Variants in ADCY9 observed in about 807,000 individuals in gnomAD.
The protein encoded by ADCY9 is adenylate cyclase 9.
Under a neutral mutation model 101.5 loss-of-function variants are expected in ADCY9, and 50 were observed. The ratio of observed to expected loss-of-function variants is 0.49; its 90% CI spans 0.39 to 0.62. The LOEUF (loss-of-function observed/expected upper bound fraction) is 0.62, where lower values mean the gene tolerates loss of function less well. Among genes scored for constraint, ADCY9 ranks in the 20% least tolerant of loss-of-function variants. ADCY9 has a pLI of 0.00. For synonymous variants in ADCY9, 905 were observed against 769.3 expected (o/e 1.18, Z -2.92); for missense variants, 1,662 against 1,800.4 (o/e 0.92, Z 1.39).
At chr16:4,030,398 C>A (rs1422389377) in intron 2 of ADCY9, among the ~76,000 whole-genome samples, 1 of 152,058 alleles carries the variant, frequency 6.6e-6, no homozygotes, top group East Asian at 1.9e-4. Flanking sequence ...GTGACAGAGG[C>A]AGCCACAAAA....
intron 2 of ADCY9, among the ~76,000 whole-genome samples, chr16:4,023,461 G>A (rs1242372847): frequency 6.7e-6 from 1 of 149,306 alleles, no homozygotes; most frequent in East Asian, 2.0e-4. Context: ...GTGTAGGTCT[G>A]GGGAAGGCAC....
At chr16:4,016,689 A>G (rs531984420) in intron 2 of ADCY9, among the ~76,000 whole-genome samples, 16 of 152,348 alleles carry the variant, frequency 1.1e-4, no homozygotes, top group African/African-American at 3.4e-4. Context: ...GAAAATGGAA[A>G]TAAAGCTGTA....
At chr16:4,069,842 T>A (rs777861270) in intron 2 of ADCY9, among the ~76,000 whole-genome samples, 12 of 152,170 alleles carry the variant, frequency 7.9e-5, no homozygotes, top group African/African-American at 2.9e-4. Context: ...ACACTTGTAA[T>A]CCCAGCACTT....
chr16:4,052,707 A>G (rs570969695), intron 2 of ADCY9, among the ~76,000 whole-genome samples: 101 of 152,294 alleles, frequency 6.6e-4, no homozygotes, highest in African/African-American at 2.2e-3. Context: ...TGTTGTTTGA[A>G]GCCACCTGGT....
At chr16:4,103,914 G>A (rs1030086359) in intron 2 of ADCY9, among the ~76,000 whole-genome samples, 6 of 152,220 alleles carry the variant, frequency 3.9e-5, no homozygotes, top group African/African-American at 1.4e-4. Context: ...TTGAGTAGGT[G>A]TCTTCTGAAT....
chr16:3,965,187 T>C lies in ADCY9; in HGVS notation c.*588A>G, dbSNP rs1005719848. On this transcript the variant is annotated 3_prime_UTR_variant, in exon 11 of 11. Transcript: ENST00000294016. ...GAAAGTGCGGGTGGGCAATGGGGGG[T>C]GGCGGAGCTGTCGTGACATGCCCCC... 3 of 154,396 alleles carry C rather than the reference T, an allele frequency of 1.9e-5. No individual in the cohort carries two copies. Among genetic ancestry groups the C allele is most frequent in the Non-Finnish European group, 2.9e-5 (2 of 69,428 alleles). The allele number at this position is 154,396 out of a possible 1,614,324, so 9.6% of individuals were successfully genotyped here. A position where few individuals can be genotyped will look rare whatever the true frequency, so the allele number is the denominator to read the frequency against.
At chr16:3,971,481 C>T (rs956283876) in intron 10 of ADCY9, among the ~76,000 whole-genome samples, 1 of 152,124 alleles carries the variant, frequency 6.6e-6, no homozygotes, top group Non-Finnish European at 1.5e-5. Context: ...GGGAAGACAC[C>T]CTGTGCTTCA....
intron 2 of ADCY9, among the ~76,000 whole-genome samples, chr16:4,107,129 G>C (rs993111282): frequency 6.6e-6 from 1 of 152,214 alleles, no homozygotes; most frequent in Non-Finnish European, 1.5e-5. Context: ...GGCAGCTTGA[G>C]TGTCGACTCT....
chr16:4,108,706 C>CA (rs1555447361), intron 2 of ADCY9, among the ~76,000 whole-genome samples: 4 of 124,522 alleles, frequency 3.2e-5, no homozygotes, highest in Admixed American at 8.6e-5. Context: ...GTCCCTCACA[C>CA]TTTTTTTTTT....
chr16:3,973,541 C>G (rs1462106796), intron 10 of ADCY9, among the ~76,000 whole-genome samples: 2 of 151,942 alleles, frequency 1.3e-5, no homozygotes, highest in African/African-American at 4.8e-5. Context: ...CTGTGACAAC[C>G]AGGCTGGGGT....
rs2056257792 is a variant in ADCY9, at chr16:3,992,983, G to A, written c.1989+423C>T. Among the ~76,000 whole-genome samples the A allele has an allele frequency of 6.6e-6, 1 of 152,022 alleles. No individual in the cohort carries two copies. Among genetic ancestry groups the A allele is most frequent in the African/African-American group, 2.4e-5 (1 of 41,396 alleles). On this transcript the variant is annotated intron_variant, in intron 4 of 10. Transcript: ENST00000294016. This position sits in a 1 kb window ranked among gnomAD's most constrained non-coding sequence, Gnocchi z 4.2. ...AGTCCTGGCCCTGGTGTCCAAGTCT[G>A]GTTTTCCTGAAAGCCTTCCTGCCAC...
intron 2 of ADCY9, among the ~76,000 whole-genome samples, chr16:4,109,880 C>A (rs1390543491): frequency 6.6e-6 from 1 of 152,168 alleles, no homozygotes; most frequent in East Asian, 1.9e-4. Flanking sequence ...TGAGTGGTTC[C>A]CTGACACCTA....
intron 2 of ADCY9, among the ~76,000 whole-genome samples, chr16:4,064,784 C>T (rs574697893): frequency 1.9e-4 from 29 of 151,868 alleles, no homozygotes; most frequent in African/African-American, 4.3e-4. Context: ...TGGCCAGCAA[C>T]GTGGTTTTTG....
chr16:3,961,108 T>C (rs2055935271), downstream of ADCY9, among the ~76,000 whole-genome samples: 1 of 152,182 alleles, frequency 6.6e-6, no homozygotes, highest in Admixed American at 6.5e-5. Flanking sequence ...CTTTCTTGGC[T>C]GTTTGAGAAA....
chr16:3,958,667 C>A (rs1439730909), downstream of ADCY9, among the ~76,000 whole-genome samples: 1 of 110,226 alleles, frequency 9.1e-6, no homozygotes, highest in South Asian at 3.2e-4. Flanking sequence ...TCTTTCTCGT[C>A]GGTTACTTTT....
intron 2 of ADCY9, among the ~76,000 whole-genome samples, chr16:4,037,027 ACTTC>A (rs2056594844): frequency 6.6e-6 from 1 of 152,022 alleles, no homozygotes; most frequent in African/African-American, 2.4e-5. Flanking sequence ...TCACTTAATG[ACTTC>A]CAAGCTGGGC....
At chr16:4,066,781 A>C (rs1384291311) in intron 2 of ADCY9, among the ~76,000 whole-genome samples, 1 of 152,228 alleles carries the variant, frequency 6.6e-6, no homozygotes, top group Non-Finnish European at 1.5e-5. Context: ...AGAATAATAA[A>C]CAATTCATAT....
At position 4,115,247 on chromosome 16, in the gene ADCY9, G is replaced by T; in HGVS notation, c.196C>A (p.Arg66=). The stretch of plus-strand genomic sequence containing the variant: ...CGCAGCCGGCCTCCGCCGCCCACTC[G>T]CCGGGGGACGCCCCCGGAGTCCCCA... The part of the protein sequence containing the change: ...SSGDSGGVPR[R]VGGGGRLRRQ... Residue 66 remains arginine (R), a synonymous_variant, in exon 2 of 11, where the codon CGA becomes AGA. Coordinates refer to ENST00000294016, the MANE Select transcript of ADCY9 (RefSeq NM_001116.4). This position sits in a 1 kb window ranked among gnomAD's most constrained non-coding sequence, Gnocchi z 6.2. 1.2e-6 allele frequency: 2 copies of T among 1,613,178 alleles called. No individual in the cohort carries two copies. The highest frequency in any genetic ancestry group is 1.7e-6 in the Non-Finnish European group (2 of 1,179,526).
intron 3 of ADCY9, among the ~76,000 whole-genome samples, chr16:4,003,234 G>A (rs1229442216): frequency 3.9e-5 from 6 of 152,162 alleles, no homozygotes; most frequent in African/African-American, 7.2e-5. Flanking sequence ...ATGCTCAGCC[G>A]CAATCACTGT....
Sources: gnomAD v4.1 joint callset for allele counts (sites outside exome capture counted in the v4.1 genomes callset) on GRCh38, gnomAD v4.1.1 for gene constraint, Gnocchi (gnomAD v3.1) non-coding constraint, MANE v1.5 for transcripts, NCBI Gene and HGNC (gene_info 2026-07-23, HGNC 2026-07-21) for gene names.